Variants in BCAS3 observed in about 807,000 individuals in gnomAD.
BCAS3 encodes the protein BCAS3 microtubule associated cell migration factor.
A neutral mutation model predicts 116.1 loss-of-function variants in BCAS3; 53 were observed. The observed-to-expected ratio is 0.46, with a 90% confidence interval of 0.37 to 0.57. The LOEUF is 0.57. Among genes scored for constraint, BCAS3 ranks in the 20% least tolerant of loss-of-function variants. The probability of loss-of-function intolerance (pLI) is 0.00; values close to 1 mark genes in which losing one functional copy is unlikely to be tolerated. For missense variants in BCAS3, 917 were observed against 1,165.4 expected, an observed-to-expected ratio of 0.79 and a Z score of 3.10; for synonymous variants, 391 against 408.2, an observed-to-expected ratio of 0.96 and a Z score of 0.51.
At chr17:60,847,893 A>G (rs180943347) in intron 7 of BCAS3, among the ~76,000 whole-genome samples, 2 of 152,308 alleles carry the variant, frequency 1.3e-5, no homozygotes, top group Non-Finnish European at 2.9e-5. Context: ...TACTTTTGGT[A>G]TCATATCTGA....
At chr17:60,772,059 G>T (rs2044767439) in intron 6 of BCAS3, among the ~76,000 whole-genome samples, 1 of 152,080 alleles carries the variant, frequency 6.6e-6, no homozygotes, top group African/African-American at 2.4e-5. Context: ...ATAATCCTTT[G>T]GGTATATACC....
chr17:61,153,277 A>G (rs1018488065), intron 22 of BCAS3, among the ~76,000 whole-genome samples: 1 of 152,212 alleles, frequency 6.6e-6, no homozygotes, highest in Non-Finnish European at 1.5e-5. Flanking sequence ...CAGTGTGGTA[A>G]TTATGGGCCA....
At chr17:61,066,965 T>C (rs1406653650) in intron 19 of BCAS3, among the ~76,000 whole-genome samples, 1 of 151,958 alleles carries the variant, frequency 6.6e-6, no homozygotes, top group Non-Finnish European at 1.5e-5. Flanking sequence ...ATTATTTATA[T>C]ACTTTAATAC....
chr17:60,757,300 G>A (rs2144327108), intron 6 of BCAS3, among the ~76,000 whole-genome samples: 2 of 148,390 alleles, frequency 1.3e-5, no homozygotes, highest in African/African-American at 2.4e-5. Context: ...GGGCGACAGA[G>A]CAAGACTCTG....
In BCAS3 at chr17:61,092,363, G is replaced by A. The variant is rs577667245; in HGVS notation, c.2425+7799G>A. ...CTCTCTCTGTCTCTCGTCAACATATGCATACATTTCCTTTGGGCATATCCC... is the reference window on the plus strand; with the variant it reads ...CTCTCTCTGTCTCTCGTCAACATATACATACATTTCCTTTGGGCATATCCC... On this transcript the variant is annotated intron_variant, in intron 22 of 23. Transcript: ENST00000407086. 7.2e-5 allele frequency among the ~76,000 whole-genome samples: 11 copies of A among 152,124 alleles called. No homozygotes were observed. In the South Asian group the frequency reaches 2.1e-3, roughly 29 times the overall value.
intron 12 of BCAS3, among the ~76,000 whole-genome samples, chr17:60,920,183 T>C (rs1325812964): frequency 1.3e-5 from 2 of 152,208 alleles, no homozygotes; most frequent in Non-Finnish European, 2.9e-5. Flanking sequence ...TTTTGACATC[T>C]GCTTTGGTAA....
chr17:60,913,716 A>G (rs1488337163), intron 12 of BCAS3, among the ~76,000 whole-genome samples: 2 of 152,102 alleles, frequency 1.3e-5, no homozygotes, highest in African/African-American at 2.4e-5. Context: ...TGAGCCTTTG[A>G]TAATGATTTT....
At chr17:60,773,210 T>C (rs1475217571) in intron 6 of BCAS3, among the ~76,000 whole-genome samples, 1 of 152,060 alleles carries the variant, frequency 6.6e-6, no homozygotes, top group Non-Finnish European at 1.5e-5. Context: ...TAATGACATA[T>C]GATGTGGAAT....
At chr17:61,304,187 G>C (rs780767037) in intron 22 of BCAS3, among the ~76,000 whole-genome samples, 3 of 152,128 alleles carry the variant, frequency 2.0e-5, no homozygotes, top group Non-Finnish European at 4.4e-5. Flanking sequence ...CCTCACTGTT[G>C]TAATTTAATT....
rs1444815622 is a variant in BCAS3 at position 61,279,354 on chromosome 17, G to A, written c.2426-88973G>A. Among the ~76,000 whole-genome samples the A allele has an allele frequency of 2.0e-5, 3 of 151,870 alleles. No homozygotes were observed. Among genetic ancestry groups the A allele is most frequent in the Non-Finnish European group, 2.9e-5 (2 of 67,978 alleles). ...GTCTGACACACCTAATAGAACAGAA[G>A]CTCTCGCTTCTTTCTTCTCTTTCCA... On this transcript the variant is annotated intron_variant, in intron 22 of 23. Coordinates refer to ENST00000407086, the MANE Select transcript of BCAS3 (RefSeq NM_017679.5). The surrounding 1 kb of genome is among the most constrained non-coding windows in gnomAD (Gnocchi z 4.4).
intron 22 of BCAS3, among the ~76,000 whole-genome samples, chr17:61,165,362 G>A (rs2078426376): frequency 6.6e-6 from 1 of 152,164 alleles, no homozygotes; most frequent in African/African-American, 2.4e-5. Flanking sequence ...TGCACTCTGA[G>A]GACATTTACA....
At chr17:60,805,106 G>T (rs959608019) in intron 6 of BCAS3, among the ~76,000 whole-genome samples, 1 of 150,686 alleles carries the variant, frequency 6.6e-6, no homozygotes, top group Admixed American at 6.6e-5. Flanking sequence ...TATAGTTATC[G>T]TTATATAAAT....
chr17:61,030,955 T>A (rs78735207), intron 16 of BCAS3, among the ~76,000 whole-genome samples: 5,157 of 151,004 alleles, frequency 0.034, 300 homozygotes, highest in African/African-American at 0.12. Flanking sequence ...ATAACCATTT[T>A]AAAAAAAAAT....
chr17:61,367,046 T>C lies in BCAS3; in HGVS notation c.2426-1281T>C, dbSNP rs1186307644. Among the ~76,000 whole-genome samples the C allele has an allele frequency of 2.6e-5, 4 of 152,232 alleles. No individual in the cohort carries two copies. Among genetic ancestry groups the C allele is most frequent in the Non-Finnish European group, 5.9e-5 (4 of 68,040 alleles). ...TGCCGAGGCTGGGGCTCGCACCCTC[T>C]CTATTACCACCTGTCATTGGCAGGG... is the stretch of plus-strand genomic sequence containing the variant. On this transcript the variant is annotated intron_variant, in intron 22 of 23. Transcript: ENST00000407086. This position sits in a 1 kb window ranked among gnomAD's most constrained non-coding sequence, Gnocchi z 6.2.
At chr17:60,999,705 G>C (rs2064107023) in intron 15 of BCAS3, among the ~76,000 whole-genome samples, 1 of 152,072 alleles carries the variant, frequency 6.6e-6, no homozygotes, top group South Asian at 2.1e-4. Flanking sequence ...TTAGTAATTT[G>C]GTAGGAATAG....
At chr17:61,101,812 T>G (rs1371339762) in intron 22 of BCAS3, among the ~76,000 whole-genome samples, 2 of 152,140 alleles carry the variant, frequency 1.3e-5, no homozygotes, top group African/African-American at 2.4e-5. Context: ...TTTAATAAAT[T>G]TAAGGAAGTG....
chr17:60,696,644 G>A (rs979962413), intron 4 of BCAS3: 1 of 151,838 alleles, frequency 6.6e-6, no homozygotes, highest in African/African-American at 2.4e-5. Context: ...TGCTTTAGAA[G>A]CTTGGGTCCC....
At chr17:61,234,811 T>G (rs1318811800) in intron 22 of BCAS3, among the ~76,000 whole-genome samples, 3 of 151,524 alleles carry the variant, frequency 2.0e-5, no homozygotes, top group Non-Finnish European at 4.4e-5. Flanking sequence ...AAAATCATAG[T>G]ACTGCTTCGC....
chr17:61,143,136 C>T (rs2077010699), intron 22 of BCAS3, among the ~76,000 whole-genome samples: 1 of 152,112 alleles, frequency 6.6e-6, no homozygotes, highest in Non-Finnish European at 1.5e-5. Flanking sequence ...TGAGTAAGTT[C>T]TCTTTGACTT....
Sources: allele counts gnomAD v4.1 joint callset (sites outside exome capture counted in the v4.1 genomes callset), GRCh38; gene constraint gnomAD v4.1.1; non-coding constraint Gnocchi (gnomAD v3.1); transcripts MANE v1.5; gene names NCBI Gene and HGNC (gene_info 2026-07-23, HGNC 2026-07-21).